Variants in PPP2R5C observed in about 807,000 individuals in gnomAD.
PPP2R5C encodes protein phosphatase 2 regulatory subunit B'gamma.
Under a neutral mutation model 68.9 loss-of-function variants are expected in PPP2R5C, and 7 were observed. That is an observed-to-expected ratio of 0.10 (90% CI 0.06 to 0.19). The LOEUF is 0.19. Ranked by LOEUF, PPP2R5C falls within the 10% of genes least tolerant of loss-of-function variation. The pLI, the probability that PPP2R5C is intolerant of heterozygous loss-of-function variation, is 1.00. For synonymous variants in PPP2R5C, 210 were observed against 222.2 expected, an observed-to-expected ratio of 0.95 and a Z score of 0.49; for missense variants, 348 against 641.3, an observed-to-expected ratio of 0.54 and a Z score of 4.94.
chr14:101,879,706 C>T lies in PPP2R5C; in HGVS notation c.295-2455C>T, dbSNP rs1379607240. ...CTCCCTTTCCTGAAGGTGACCCTGT[C>T]CTGTGGGTGACTGGACCCTCACCCC... On this transcript the variant is annotated intron_variant, in intron 2 of 13. Transcript: ENST00000334743. The surrounding 1 kb of genome is among the most constrained non-coding windows in gnomAD (Gnocchi z 4.2). Among the ~76,000 whole-genome samples the T allele has an allele frequency of 1.3e-5, 2 of 152,180 alleles. No individual in the cohort carries two copies. Among genetic ancestry groups the T allele is most frequent in the African/African-American group, 4.8e-5 (2 of 41,436 alleles).
exon 9 of PPP2R5C, chr14:101,901,772 A>G (rs1295530585): frequency 1.2e-6 from 2 of 1,613,964 alleles, no homozygotes; most frequent in East Asian, 4.5e-5. Context: ...CAAAAGAAGT[A>G]ATGTTCTTAA....
chr14:101,791,653 G>T (rs972809194), intron 3 of PPP2R5C, among the ~76,000 whole-genome samples: 2 of 150,534 alleles, frequency 1.3e-5, no homozygotes, highest in Non-Finnish European at 3.0e-5. Context: ...TTAATTTCAG[G>T]GTTTTTTTTT....
At chr14:101,907,079 C>T (rs1400964874) in intron 10 of PPP2R5C, among the ~76,000 whole-genome samples, 1 of 152,144 alleles carries the variant, frequency 6.6e-6, no homozygotes, top group South Asian at 2.1e-4. Context: ...TGAATAAATC[C>T]GTTTACTGAG....
chr14:101,870,492 T>G (rs369179248), intron 2 of PPP2R5C, among the ~76,000 whole-genome samples: 4 of 152,276 alleles, frequency 2.6e-5, no homozygotes, highest in Non-Finnish European at 5.9e-5. Context: ...TTCTGGACTC[T>G]GTCCTGTCGC....
intron 2 of PPP2R5C, among the ~76,000 whole-genome samples, chr14:101,871,149 T>C (rs971699813): frequency 1.4e-4 from 22 of 152,226 alleles, no homozygotes; most frequent in African/African-American, 5.1e-4. Context: ...TTACTTTTGA[T>C]CAGTTCGTAT....
intron 3 of PPP2R5C, among the ~76,000 whole-genome samples, chr14:101,801,063 G>C (rs551529713): frequency 5.9e-5 from 9 of 152,298 alleles, no homozygotes; most frequent in Admixed American, 5.2e-4. Flanking sequence ...GTTACCAGAG[G>C]CTGGGAAGGG....
intron 5 of PPP2R5C, among the ~76,000 whole-genome samples, chr14:101,886,504 C>T (rs1246980855): frequency 6.6e-6 from 1 of 152,026 alleles, no homozygotes; most frequent in East Asian, 1.9e-4. Flanking sequence ...TGTGTGCATG[C>T]TTTTGATAGT....
At chr14:101,808,686 T>G (rs1309648888), upstream of PPP2R5C, among the ~76,000 whole-genome samples, 1 of 152,186 alleles carries the variant, frequency 6.6e-6, no homozygotes, top group Non-Finnish European at 1.5e-5. Flanking sequence ...AGGGCTTTTG[T>G]ATCCTTCACA....
chr14:101,780,160 C>T (rs756657848), intron 2 of PPP2R5C, among the ~76,000 whole-genome samples: 3 of 152,180 alleles, frequency 2.0e-5, no homozygotes, highest in African/African-American at 4.8e-5. Context: ...AGAACCAGAA[C>T]GTGATTGCCT....
intron 3 of PPP2R5C, among the ~76,000 whole-genome samples, chr14:101,787,583 GA>G (rs1464139434): frequency 7.0e-6 from 1 of 142,498 alleles, no homozygotes; most frequent in African/African-American, 2.8e-5. Context: ...CTAACATGGT[GA>G]AACCCCGTCT....
chr14:101,816,859 T>C (rs1285202486), intron 1 of PPP2R5C, among the ~76,000 whole-genome samples: 2 of 142,684 alleles, frequency 1.4e-5, no homozygotes, highest in African/African-American at 5.2e-5. Flanking sequence ...GAAATAAATA[T>C]ATATATTTAT....
At chr14:101,806,895 G>A (rs973197933), upstream of PPP2R5C, among the ~76,000 whole-genome samples, 8 of 152,216 alleles carry the variant, frequency 5.3e-5, no homozygotes, top group African/African-American at 1.9e-4. Flanking sequence ...CCAGGAGGCC[G>A]AGGCTGCAGT....
intron 5 of PPP2R5C, among the ~76,000 whole-genome samples, chr14:101,887,371 T>C (rs1049039836): frequency 3.9e-5 from 6 of 152,186 alleles, no homozygotes; most frequent in South Asian, 4.1e-4. Flanking sequence ...AGAGATGCCA[T>C]CAAACTGTCC....
chr14:101,914,177 A>G lies in PPP2R5C; in HGVS notation c.1326+1704A>G, dbSNP rs1223189775. ...GCAAACGTCTGTGGTGGTGGCAGGC[A>G]TGCCGTGGTTCTGCATAGGAGCTTT... On this transcript the variant is annotated intron_variant, in intron 12 of 13. Coordinates refer to ENST00000334743, the Ensembl canonical transcript of PPP2R5C. 10 of 455,992 alleles carry G rather than the reference A, an allele frequency of 2.2e-5. No homozygotes were observed. The Admixed American group carries it at 2.4e-4, about 11-fold the overall frequency. 28.2% of individuals were successfully genotyped at this position (455,992 alleles called of 1,614,324 possible). A position where few individuals can be genotyped will look rare whatever the true frequency, so the allele number is the denominator to read the frequency against.
intron 8 of PPP2R5C, 89 bp downstream of exon 10, chr14:101,894,649 A>G: frequency 1.5e-6 from 2 of 1,295,566 alleles, no homozygotes; most frequent in Non-Finnish European, 2.2e-6. Context: ...ATTGCCATTC[A>G]TTCAGACTTT....
chr14:101,871,228 T>TGGTTTTTTTTG (rs563568983), intron 2 of PPP2R5C, among the ~76,000 whole-genome samples: 1 of 117,576 alleles, frequency 8.5e-6, no homozygotes, highest in African/African-American at 3.8e-5. Flanking sequence ...TGTTTTGGTT[T>TGGTTTTTTTTG]TTGTTGTTGT....
At chr14:101,925,378 T>G (rs1253337962) in exon 14 of PPP2R5C, 5 of 1,480,110 alleles carry the variant, frequency 3.4e-6, no homozygotes, top group Non-Finnish European at 4.5e-6. Flanking sequence ...AAAGCTTTCT[T>G]GGACCCCGTT....
At chr14:101,834,579 G>T (rs557984555) in intron 1 of PPP2R5C, among the ~76,000 whole-genome samples, 6 of 152,310 alleles carry the variant, frequency 3.9e-5, no homozygotes, top group African/African-American at 1.4e-4. Flanking sequence ...AACTTCACTG[G>T]TGCGTTGCCA....
intron 1 of PPP2R5C, among the ~76,000 whole-genome samples, chr14:101,811,207 G>C (rs2039338887): frequency 6.6e-6 from 1 of 152,194 alleles, no homozygotes; most frequent in Non-Finnish European, 1.5e-5. Context: ...TGTAGGACAG[G>C]CTGTGAATTT....
Sources: allele counts gnomAD v4.1 joint callset (sites outside exome capture counted in the v4.1 genomes callset), GRCh38; gene constraint gnomAD v4.1.1; non-coding constraint Gnocchi (gnomAD v3.1); transcripts MANE v1.5; gene names NCBI Gene and HGNC (gene_info 2026-07-23, HGNC 2026-07-21).